Variants in CD247 observed in about 807,000 individuals in gnomAD.
The protein encoded by CD247 is CD247 molecule, also known as T-cell surface glycoprotein CD3 zeta chain.
Under a neutral mutation model 30.0 loss-of-function variants are expected in CD247, and 13 were observed. The observed-to-expected ratio is 0.43, with a 90% CI of 0.28 to 0.69. The LOEUF (loss-of-function observed/expected upper bound fraction) is 0.69. Ranked by LOEUF, CD247 falls within the 30% of genes least tolerant of loss-of-function variation. CD247 has a pLI of 0.16. For synonymous variants in CD247, 72 were observed against 80.0 expected, an observed-to-expected ratio of 0.90 and a Z score of 0.53; for missense variants, 193 against 212.6, an observed-to-expected ratio of 0.91 and a Z score of 0.57.
intron 1 of CD247, among the ~76,000 whole-genome samples, chr1:167,467,597 G>C (rs1336702041): frequency 6.6e-6 from 1 of 152,154 alleles, no homozygotes; most frequent in Non-Finnish European, 1.5e-5. Context: ...CTAAGCGTTG[G>C]GGGCTGGCTG....
intron 1 of CD247, among the ~76,000 whole-genome samples, chr1:167,484,444 A>C (rs1162988592): frequency 6.6e-6 from 1 of 152,152 alleles, no homozygotes; most frequent in Non-Finnish European, 1.5e-5. Flanking sequence ...CTGGAGGAGG[A>C]GGAGGCACTG....
intron 1 of CD247, among the ~76,000 whole-genome samples, chr1:167,499,328 G>T (rs963299224): frequency 2.0e-5 from 3 of 152,188 alleles, no homozygotes; most frequent in Admixed American, 1.3e-4. Context: ...TGCAGAGGTC[G>T]AGAAACCCTG....
At chr1:167,511,254 G>T (rs1655375339) in intron 1 of CD247, among the ~76,000 whole-genome samples, 1 of 152,086 alleles carries the variant, frequency 6.6e-6, no homozygotes, top group Admixed American at 6.5e-5. Context: ...ACACCATATG[G>T]AGATCCACTC....
Position 167,480,269 on chromosome 1 carries a change from T to C in CD247, c.58+38139A>G, listed in dbSNP as rs1046690844. 9.2e-5 allele frequency among the ~76,000 whole-genome samples: 14 copies of C among 152,192 alleles called. No individual in the cohort carries two copies. In the South Asian group the frequency reaches 1.2e-3, roughly 14 times the overall value. On this transcript the variant is annotated intron_variant, in intron 1 of 7. Coordinates refer to ENST00000362089, the MANE Select transcript of CD247 (RefSeq NM_198053.3). ...AGCTGCTGAGGTCTTGGCAGGGCGA[T>C]GAAAATGGGAAACCGTTTAGAAAGT... is the stretch of plus-strand genomic sequence containing the variant.
chr1:167,491,526 C>T (rs1296997409), intron 1 of CD247, among the ~76,000 whole-genome samples: 3 of 150,384 alleles, frequency 2.0e-5, no homozygotes, highest in Admixed American at 6.6e-5. Flanking sequence ...AAGATCATGC[C>T]ATTGCACTCC....
chr1:167,442,867 G>A (rs12569040), intron 1 of CD247, among the ~76,000 whole-genome samples: 4,300 of 152,180 alleles, frequency 0.028, 134 homozygotes, highest in East Asian at 0.14. Flanking sequence ...CCACTCGGAC[G>A]AGAGTCCAAG....
intron 1 of CD247, among the ~76,000 whole-genome samples, chr1:167,479,131 C>T (rs1393464906): frequency 6.6e-6 from 1 of 152,188 alleles, no homozygotes; most frequent in Admixed American, 6.5e-5. Flanking sequence ...ACTCACATAG[C>T]TAATGGACAG....
intron 1 of CD247, among the ~76,000 whole-genome samples, chr1:167,460,385 AGAGT>A (rs1338384923): frequency 6.6e-6 from 1 of 152,176 alleles, no homozygotes; most frequent in Non-Finnish European, 1.5e-5. Context: ...CCTGAGTGAC[AGAGT>A]GAGACCCTGT....
intron 1 of CD247, among the ~76,000 whole-genome samples, chr1:167,507,222 A>T (rs1046434541): frequency 6.9e-6 from 1 of 145,072 alleles, no homozygotes; most frequent in Non-Finnish European, 1.5e-5. Flanking sequence ...CCTGGCCTGA[A>T]TTTTTTTTTT....
intron 1 of CD247, among the ~76,000 whole-genome samples, chr1:167,502,222 A>G (rs1654943954): frequency 6.6e-6 from 1 of 152,216 alleles, no homozygotes; most frequent in Non-Finnish European, 1.5e-5. Flanking sequence ...ATTGCATGTG[A>G]ACGTGTCCTC....
intron 1 of CD247, among the ~76,000 whole-genome samples, chr1:167,442,612 C>T (rs1651890701): frequency 1.3e-5 from 2 of 152,164 alleles, no homozygotes; most frequent in South Asian, 2.1e-4. Context: ...TAGCAGTTCT[C>T]GCCCCCTTCC....
intron 7 of CD247, among the ~76,000 whole-genome samples, chr1:167,432,157 C>G (rs892144943): frequency 2.6e-4 from 39 of 152,324 alleles, no homozygotes; most frequent in Admixed American, 2.5e-3. Flanking sequence ...ACACCTGGGC[C>G]CAAAGGAAGC....
Position 167,494,101 on chromosome 1 carries a change from A to T in CD247, c.58+24307T>A, listed in dbSNP as rs1654577008. ...CTTGGGGCTATGATCTGGACTGGGT[A>T]CCCAGAGCTAATAGGAGAAGAGGAC... On this transcript the variant is annotated intron_variant, in intron 1 of 7. Coordinates refer to ENST00000362089, the MANE Select transcript of CD247 (RefSeq NM_198053.3). This position sits in a 1 kb window ranked among gnomAD's most constrained non-coding sequence, Gnocchi z 7.3. 6.6e-6 allele frequency among the ~76,000 whole-genome samples: 1 copy of T among 151,992 alleles called. No homozygotes were observed. The highest frequency in any genetic ancestry group is 1.5e-5 in the Non-Finnish European group (1 of 68,028).
intron 1 of CD247, among the ~76,000 whole-genome samples, chr1:167,441,548 C>G (rs1193899252): frequency 6.6e-6 from 1 of 152,208 alleles, no homozygotes; most frequent in Non-Finnish European, 1.5e-5. Context: ...TTGCCCTGTG[C>G]CTTGCACTCT....
intron 1 of CD247, among the ~76,000 whole-genome samples, chr1:167,452,351 C>T (rs1254988535): frequency 6.8e-6 from 1 of 146,632 alleles, no homozygotes; most frequent in Non-Finnish European, 1.5e-5. Context: ...GAGGCGGAGG[C>T]TGCAGTGAGC....
chr1:167,441,274 G>C (rs1486178959), intron 1 of CD247, among the ~76,000 whole-genome samples: 1 of 152,148 alleles, frequency 6.6e-6, no homozygotes, highest in Non-Finnish European at 1.5e-5. Flanking sequence ...GGAGAATCTG[G>C]GTTAACTCTC....
chr1:167,459,348 C>CTT (rs34706916), intron 1 of CD247, among the ~76,000 whole-genome samples: 18,272 of 80,456 alleles, frequency 0.23, 3,058 homozygotes, highest in Non-Finnish European at 0.32. Flanking sequence ...CCTTACAACT[C>CTT]TTTTTTTTTT....
intron 4 of CD247, 146 bp from the exon 5 acceptor site, chr1:167,435,580 C>G: frequency 2.7e-6 from 2 of 734,464 alleles, no homozygotes; most frequent in South Asian, 2.9e-5. Context: ...CCCAGCCTTG[C>G]CTAGGCCACT....
At chr1:167,439,744 T>G in intron 2 of CD247, 1 of 334,780 alleles carries the variant, frequency 3.0e-6, no homozygotes. Context: ...CTAGGATCCC[T>G]TCCTCCGGGG....
Sources: gnomAD v4.1 joint callset for allele counts (sites outside exome capture counted in the v4.1 genomes callset) on GRCh38, gnomAD v4.1.1 for gene constraint, Gnocchi (gnomAD v3.1) non-coding constraint, MANE v1.5 for transcripts, NCBI Gene and HGNC (gene_info 2026-07-23, HGNC 2026-07-21) for gene names.